The following LIN52 variants were observed in gnomAD, a reference collection of about 807,000 sequenced individuals.
LIN52 encodes the protein lin-52 DREAM MuvB core complex component, also known as protein lin-52 homolog.
LIN52 carries 4 observed loss-of-function variants against 18.5 expected under a neutral mutation model. The observed-to-expected ratio is 0.22, with a 90% CI of 0.11 to 0.49. The LOEUF is 0.49. Ranked by LOEUF, LIN52 falls within the 20% of genes least tolerant of loss-of-function variation. LIN52 has a pLI of 0.97. For synonymous variants in LIN52, 34 were observed against 45.5 expected, an observed-to-expected ratio of 0.75 and a Z score of 1.02; for missense variants, 102 against 139.5, an observed-to-expected ratio of 0.73 and a Z score of 1.35.
At chr14:74,098,412 T>C (rs1387127128) in intron 4 of LIN52, among the ~76,000 whole-genome samples, 2 of 151,658 alleles carry the variant, frequency 1.3e-5, no homozygotes, top group Non-Finnish European at 2.9e-5. Flanking sequence ...CCAGCTACTC[T>C]GGAGGCTGAG....
chr14:74,120,387 G>A (rs1381460762), intron 5 of LIN52, among the ~76,000 whole-genome samples: 1 of 151,866 alleles, frequency 6.6e-6, no homozygotes, highest in South Asian at 2.1e-4. Context: ...GGGAGGCCAA[G>A]GCCGGTGGAT....
rs1379042630 is a variant in LIN52 at position 74,200,404 on chromosome 14, C to G, written c.*1427C>G. 8.5e-6 allele frequency: 1 copy of G among 118,092 alleles called. No homozygotes were observed. The highest frequency in any genetic ancestry group is 3.2e-4 in the East Asian group (1 of 3,158). 7.3% of individuals were successfully genotyped at this position (118,092 alleles called of 1,614,324 possible). ...CTCCAGCCTGGGCAACAGAGTGAGA[C>G]TCTGTCTCAGAAAAAAAAAAAAAAA... is the stretch of plus-strand genomic sequence containing the variant. On this transcript the variant is annotated 3_prime_UTR_variant, in exon 6 of 6. Transcript: ENST00000555028.
intron 5 of LIN52, among the ~76,000 whole-genome samples, chr14:74,195,123 G>A (rs1055374548): frequency 2.6e-5 from 4 of 152,070 alleles, no homozygotes; most frequent in African/African-American, 4.8e-5. Context: ...TCCAACCTGG[G>A]CAACAAGAGC....
intron 5 of LIN52, among the ~76,000 whole-genome samples, chr14:74,135,333 G>A (rs1359060695): frequency 6.6e-6 from 1 of 152,156 alleles, no homozygotes; most frequent in East Asian, 1.9e-4. Context: ...AAAGTGCTGG[G>A]ATTACAGGCA....
chr14:74,126,523 A>C (rs962114145), intron 5 of LIN52, among the ~76,000 whole-genome samples: 1 of 152,254 alleles, frequency 6.6e-6, no homozygotes, highest in East Asian at 1.9e-4. Flanking sequence ...AAAATGTGGT[A>C]TATCCATACA....
intron 5 of LIN52, among the ~76,000 whole-genome samples, chr14:74,157,686 A>G (rs910388790): frequency 1.1e-4 from 16 of 151,562 alleles, no homozygotes; most frequent in African/African-American, 3.4e-4. Context: ...CCAGGCTGGG[A>G]TTACAGGGAT....
rs1203435345 is a variant in LIN52, at chr14:74,095,980, A to G, written c.127A>G (p.Lys43Glu). 1 of 1,608,702 alleles carries G rather than the reference A, an allele frequency of 6.2e-7. No homozygotes were observed. The highest frequency in any genetic ancestry group is 8.5e-7 in the Non-Finnish European group (1 of 1,176,944). ...PGVAEFAASF[K>E]SPITSSPPKW... ...TGTTGCTGAATTTGCAGCTTCCTTC[A>G]AAAGTGTAAGTAATATCCCTTACCT... The change falls in exon 3 of 6, where the codon AAA (lysine) becomes GAA (glutamate). Residue 43 changes from lysine to glutamate, a missense_variant. Lys to Glu is a moderately conservative substitution (Grantham distance 56). Coordinates refer to ENST00000555028, the MANE Select transcript of LIN52 (RefSeq NM_001024674.3).
chr14:74,198,934 C>T lies in LIN52; in HGVS notation c.296C>T (p.Thr99Ile). 6.2e-7 allele frequency: 1 copy of T among 1,612,112 alleles called. No individual in the cohort carries two copies. Among genetic ancestry groups the T allele is most frequent in the Non-Finnish European group, 8.5e-7 (1 of 1,178,424 alleles). ...QLGLDESREM[T>I]RGKFLNILEK... ...TTTGTGATTCCAGCCAGAGAGATGA[C>T]ACGGGGGAAATTCCTCAATATTCTA... Residue 99 changes from threonine to isoleucine, a missense_variant, in exon 6 of 6, where the codon ACA (threonine) becomes ATA (isoleucine). Coordinates refer to ENST00000555028, the MANE Select transcript of LIN52 (RefSeq NM_001024674.3).
chr14:74,184,255 A>AT (rs1387823431), intron 5 of LIN52, among the ~76,000 whole-genome samples: 2 of 152,076 alleles, frequency 1.3e-5, no homozygotes, highest in Non-Finnish European at 2.9e-5. Flanking sequence ...TAATTTTTGT[A>AT]TTTTTTGTGG....
chr14:74,124,943 T>C (rs1033289629), intron 5 of LIN52, among the ~76,000 whole-genome samples: 2 of 151,990 alleles, frequency 1.3e-5, no homozygotes, highest in African/African-American at 4.8e-5. Context: ...TTAAAAACTT[T>C]TGTGTGTCCA....
At chr14:74,101,508 G>T (rs1043616001) in intron 5 of LIN52, among the ~76,000 whole-genome samples, 2 of 150,540 alleles carry the variant, frequency 1.3e-5, no homozygotes, top group African/African-American at 4.9e-5. Flanking sequence ...GCCCAGGCTG[G>T]AGTGCAGTGG....
chr14:74,124,587 G>T (rs551000509), intron 5 of LIN52, among the ~76,000 whole-genome samples: 1 of 152,138 alleles, frequency 6.6e-6, no homozygotes, highest in East Asian at 1.9e-4. Context: ...GAGGTGGGAG[G>T]ATTGCTTGAG....
At chr14:74,143,622 A>T (rs11626336) in intron 5 of LIN52, among the ~76,000 whole-genome samples, 1 of 151,698 alleles carries the variant, frequency 6.6e-6, no homozygotes. Flanking sequence ...TTTTTTTTTA[A>T]CTATACAAAT....
chr14:74,177,268 G>A (rs539066873), intron 5 of LIN52, among the ~76,000 whole-genome samples: 10 of 152,292 alleles, frequency 6.6e-5, no homozygotes, highest in South Asian at 4.1e-4. Flanking sequence ...AAGGTGCTGG[G>A]ATTACAGGTG....
intron 5 of LIN52, among the ~76,000 whole-genome samples, chr14:74,163,288 C>T (rs776584545): frequency 5.9e-5 from 9 of 152,064 alleles, no homozygotes; most frequent in African/African-American, 2.2e-4. Context: ...CCATATTGCC[C>T]GGGCTGGTCT....
intron 5 of LIN52, among the ~76,000 whole-genome samples, chr14:74,186,210 T>G (rs2061339911): frequency 6.6e-6 from 1 of 151,828 alleles, no homozygotes; most frequent in South Asian, 2.1e-4. Flanking sequence ...GAGAATCGCT[T>G]GAACCCAGGA....
chr14:74,188,345 G>A (rs1419928739), intron 5 of LIN52, among the ~76,000 whole-genome samples: 1 of 152,108 alleles, frequency 6.6e-6, no homozygotes, highest in Admixed American at 6.6e-5. Flanking sequence ...TGAAAAAATA[G>A]TGGCGTGAAT....
intron 5 of LIN52, among the ~76,000 whole-genome samples, chr14:74,175,848 C>T (rs184496370): frequency 2.0e-5 from 3 of 151,742 alleles, no homozygotes; most frequent in African/African-American, 4.8e-5. Context: ...GGTGCAGTGG[C>T]TCATGCCTGT....
intron 5 of LIN52, chr14:74,114,036 A>T: frequency 2.4e-6 from 1 of 421,946 alleles, no homozygotes; most frequent in Non-Finnish European, 3.1e-6. Context: ...GCTGGAGTGC[A>T]ATGGTGTGAT....
Sources: gnomAD v4.1 joint callset for allele counts (sites outside exome capture counted in the v4.1 genomes callset) on GRCh38, gnomAD v4.1.1 for gene constraint, MANE v1.5 for transcripts, NCBI Gene and HGNC (gene_info 2026-07-23, HGNC 2026-07-21) for gene names.